Variants in KCNH5 observed in about 807,000 individuals in gnomAD.
KCNH5 encodes voltage-gated delayed rectifier potassium channel KCNH5.
Under a neutral mutation model 96.1 loss-of-function variants are expected in KCNH5, and 46 were observed. The observed-to-expected ratio is 0.48, with a 90% CI of 0.38 to 0.61. KCNH5 has a LOEUF of 0.61. Among genes scored for constraint, KCNH5 ranks in the 20% least tolerant of loss-of-function variants. The pLI, the probability that KCNH5 is intolerant of heterozygous loss-of-function variation, is 0.00. For missense variants in KCNH5, 907 were observed against 1,225.8 expected, an observed-to-expected ratio of 0.74 and a Z score of 3.88; for synonymous variants, 439 against 449.8, an observed-to-expected ratio of 0.98 and a Z score of 0.30.
At chr14:62,901,212 T>C (rs1888918411) in intron 7 of KCNH5, among the ~76,000 whole-genome samples, 1 of 152,176 alleles carries the variant, frequency 6.6e-6, no homozygotes, top group South Asian at 2.1e-4. Context: ...TTTTATTTAT[T>C]TTCATTTATT....
rs187196854 is a variant in KCNH5 at position 62,987,219 on chromosome 14, T to C, written c.434-32A>G. The C allele has an allele frequency of 3.2e-5, 47 of 1,452,884 alleles. No homozygotes were observed. In the Admixed American group the frequency reaches 7.0e-4, roughly 22 times the overall value. 90.0% of individuals were successfully genotyped at this position (1,452,884 alleles called of 1,614,324 possible). On this transcript the variant is annotated intron_variant, in intron 4 of 10. Coordinates refer to ENST00000322893, the MANE Select transcript of KCNH5 (RefSeq NM_139318.5). ...AATAAGGAAAGAAAGTCTCAGTTTT[T>C]CATACAAATGAATAAGGAATCCAAC...
chr14:62,760,349 C>T (rs1289748482), intron 10 of KCNH5, among the ~76,000 whole-genome samples: 2 of 152,186 alleles, frequency 1.3e-5, no homozygotes, highest in South Asian at 2.1e-4. Flanking sequence ...TCATACCTAA[C>T]ACGGTCACCG....
chr14:62,964,270 C>T (rs943174401), intron 6 of KCNH5, among the ~76,000 whole-genome samples: 2 of 152,048 alleles, frequency 1.3e-5, no homozygotes, highest in African/African-American at 2.4e-5. Context: ...AATATCCATC[C>T]TTATACTAAA....
intron 4 of KCNH5, 94 bp from the exon 5 acceptor site, chr14:62,987,281 T>A: frequency 1.2e-6 from 1 of 836,648 alleles, no homozygotes; most frequent in Non-Finnish European, 2.0e-6. Context: ...AGCAACCACA[T>A]AACATCCAAA....
chr14:62,917,900 G>T (rs1889306215), intron 7 of KCNH5, among the ~76,000 whole-genome samples: 1 of 152,108 alleles, frequency 6.6e-6, no homozygotes, highest in Non-Finnish European at 1.5e-5. Context: ...TAACAGTCAA[G>T]AATTCAGTTC....
At chr14:62,914,725 C>A (rs375105464) in intron 7 of KCNH5, among the ~76,000 whole-genome samples, 74 of 152,186 alleles carry the variant, frequency 4.9e-4, no homozygotes, top group African/African-American at 1.7e-3. Context: ...ATCACTGGTA[C>A]CATGATCTTG....
chr14:62,917,438 T>C (rs1037150274), intron 7 of KCNH5, among the ~76,000 whole-genome samples: 2 of 151,884 alleles, frequency 1.3e-5, no homozygotes, highest in African/African-American at 4.8e-5. Flanking sequence ...TAATTAATGA[T>C]GTGAATCAAC....
At chr14:62,828,623 C>T (rs569156364) in intron 8 of KCNH5, among the ~76,000 whole-genome samples, 77 of 152,228 alleles carry the variant, frequency 5.1e-4, no homozygotes, top group African/African-American at 1.7e-3. Flanking sequence ...CATGAGAGAA[C>T]AGCATGGAGG....
intron 8 of KCNH5, among the ~76,000 whole-genome samples, chr14:62,833,514 T>C (rs1017706604): frequency 2.0e-5 from 3 of 152,084 alleles, no homozygotes; most frequent in Non-Finnish European, 4.4e-5. Flanking sequence ...GCCAGGACCA[T>C]ACTGTTTTAA....
chr14:62,897,645 T>C (rs1888841400), intron 7 of KCNH5, among the ~76,000 whole-genome samples: 1 of 152,102 alleles, frequency 6.6e-6, no homozygotes. Context: ...CTGCCTCTTC[T>C]ACAGCACAGG....
intron 8 of KCNH5, among the ~76,000 whole-genome samples, chr14:62,815,080 T>C (rs1052582859): frequency 2.6e-5 from 4 of 152,184 alleles, no homozygotes; most frequent in Admixed American, 2.0e-4. Context: ...CACAGTCACA[T>C]AATGAACCGC....
At chr14:62,767,993 G>A (rs532682667) in intron 10 of KCNH5, among the ~76,000 whole-genome samples, 15 of 152,186 alleles carry the variant, frequency 9.9e-5, no homozygotes, top group African/African-American at 3.6e-4. Context: ...CTTATAACTC[G>A]TAGCTAAGTA....
intron 8 of KCNH5, among the ~76,000 whole-genome samples, chr14:62,825,812 C>T (rs763007419): frequency 1.3e-5 from 2 of 151,718 alleles, no homozygotes; most frequent in East Asian, 1.9e-4. Context: ...TTTTATCCTT[C>T]GTTCTCTTGC....
At chr14:63,014,907 TTCCACA>T in intron 2 of KCNH5, among the ~76,000 whole-genome samples, 1 of 152,158 alleles carries the variant, frequency 6.6e-6, no homozygotes, top group Non-Finnish European at 1.5e-5. Flanking sequence ...TATGGACCTG[TTCCACA>T]GGATAACGTC....
chr14:62,732,158 G>C (rs1200297177), intron 10 of KCNH5, among the ~76,000 whole-genome samples: 1 of 152,088 alleles, frequency 6.6e-6, no homozygotes, highest in Non-Finnish European at 1.5e-5. Flanking sequence ...TCAGCAGAAG[G>C]CATATCACGT....
intron 6 of KCNH5, among the ~76,000 whole-genome samples, chr14:62,967,293 G>A (rs989276683): frequency 6.6e-6 from 1 of 151,788 alleles, no homozygotes; most frequent in African/African-American, 2.4e-5. Flanking sequence ...TGTTGCCCAG[G>A]CTATCCTCAA....
chr14:62,814,782 CA>C (rs71120235), intron 8 of KCNH5, among the ~76,000 whole-genome samples: 30 of 33,744 alleles, frequency 8.9e-4, no homozygotes, highest in East Asian at 2.4e-3. Flanking sequence ...GACTCCATCT[CA>C]AAAAAAAAAA....
intron 10 of KCNH5, among the ~76,000 whole-genome samples, chr14:62,775,892 C>A (rs1036876874): frequency 2.6e-5 from 4 of 152,184 alleles, no homozygotes; most frequent in Non-Finnish European, 5.9e-5. Context: ...TTTACCCCCT[C>A]AAAATCCATC....
At chr14:62,731,450 T>G (rs1255442722) in intron 10 of KCNH5, among the ~76,000 whole-genome samples, 1 of 152,072 alleles carries the variant, frequency 6.6e-6, no homozygotes, top group Non-Finnish European at 1.5e-5. Flanking sequence ...ACAACATTAA[T>G]TAGTTAACTC....
Sources: gnomAD v4.1 joint callset for allele counts (sites outside exome capture counted in the v4.1 genomes callset) on GRCh38, gnomAD v4.1.1 for gene constraint, MANE v1.5 for transcripts, NCBI Gene and HGNC (gene_info 2026-07-23, HGNC 2026-07-21) for gene names.